The following PDE1A variants were observed in gnomAD, a reference collection of about 807,000 sequenced individuals.
PDE1A encodes the protein phosphodiesterase 1A.
A neutral mutation model predicts 61.7 loss-of-function variants in PDE1A; 35 were observed. The ratio of observed to expected loss-of-function variants is 0.57; its 90% CI spans 0.43 to 0.75. The LOEUF (loss-of-function observed/expected upper bound fraction) is 0.75, where lower values mean the gene tolerates loss of function less well. Among genes scored for constraint, PDE1A ranks in the 30% least tolerant of loss-of-function variants. PDE1A has a pLI of 0.00. For missense variants in PDE1A, 597 were observed against 630.6 expected, an observed-to-expected ratio of 0.95 and a Z score of 0.57; for synonymous variants, 232 against 213.2, an observed-to-expected ratio of 1.09 and a Z score of -0.77.
intron 2 of PDE1A, among the ~76,000 whole-genome samples, chr2:182,469,078 G>A (rs1450266098): frequency 6.6e-6 from 1 of 151,908 alleles, no homozygotes; most frequent in African/African-American, 2.4e-5. Flanking sequence ...AATGGTAAAT[G>A]AGCACTGGCT....
At chr2:182,625,584 T>C in the PDE1A span, among the ~76,000 whole-genome samples, 1 of 152,166 alleles carries the variant, frequency 6.6e-6, no homozygotes, top group Non-Finnish European at 1.5e-5. Context: ...AAATAACTCT[T>C]GGCTGAATGG....
At chr2:182,228,732 C>T (rs746504654) in intron 6 of PDE1A, among the ~76,000 whole-genome samples, 11 of 152,084 alleles carry the variant, frequency 7.2e-5, no homozygotes, top group Non-Finnish European at 1.3e-4. Flanking sequence ...GGTAAAAGTT[C>T]TCATTATTCT....
At chr2:182,569,202 G>A in the PDE1A span, among the ~76,000 whole-genome samples, 23 of 151,150 alleles carry the variant, frequency 1.5e-4, no homozygotes, top group African/African-American at 2.9e-4. Flanking sequence ...GCAGTGAGCC[G>A]AGATTGTGCC....
At chr2:182,298,281 A>C (rs755216150) in intron 1 of PDE1A, among the ~76,000 whole-genome samples, 4 of 152,190 alleles carry the variant, frequency 2.6e-5, no homozygotes, top group Non-Finnish European at 4.4e-5. Flanking sequence ...GCTTAAAGCA[A>C]GAAAATGACA....
At chr2:182,468,409 A>C (rs1389169075) in intron 2 of PDE1A, among the ~76,000 whole-genome samples, 1 of 152,026 alleles carries the variant, frequency 6.6e-6, no homozygotes, top group Admixed American at 6.6e-5. Context: ...ATCCATAAAA[A>C]GCAACTCCAC....
At chr2:182,419,285 A>C (rs1486027603) in intron 1 of PDE1A, among the ~76,000 whole-genome samples, 6 of 151,872 alleles carry the variant, frequency 4.0e-5, no homozygotes, top group Non-Finnish European at 5.9e-5. Context: ...ACAAGTTATC[A>C]GTACAGTTAT....
chr2:182,611,842 C>T, the PDE1A span, among the ~76,000 whole-genome samples: 14 of 151,946 alleles, frequency 9.2e-5, no homozygotes, highest in African/African-American at 3.4e-4. Flanking sequence ...AACTGATGAC[C>T]GGCTTTAAAT....
chr2:182,478,766 C>T (rs1275660957), intron 2 of PDE1A, among the ~76,000 whole-genome samples: 1 of 151,794 alleles, frequency 6.6e-6, no homozygotes, highest in Non-Finnish European at 1.5e-5. Flanking sequence ...TTCTATATAA[C>T]TTTTCATGCC....
intron 2 of PDE1A, among the ~76,000 whole-genome samples, chr2:182,434,797 C>T (rs1024672674): frequency 3.7e-4 from 57 of 152,112 alleles, no homozygotes; most frequent in African/African-American, 1.4e-3. Context: ...TAGCTTTATA[C>T]TAGATTCCCT....
chr2:182,519,344 C>T (rs961303640), intron 2 of PDE1A, among the ~76,000 whole-genome samples: 41 of 151,936 alleles, frequency 2.7e-4, no homozygotes, highest in African/African-American at 9.4e-4. Flanking sequence ...CATATTTCCA[C>T]CATCATAGAT....
chr2:182,500,283 T>G (rs1446800340), intron 2 of PDE1A, among the ~76,000 whole-genome samples: 1 of 152,128 alleles, frequency 6.6e-6, no homozygotes, highest in Non-Finnish European at 1.5e-5. Context: ...CAAATACTGA[T>G]TCACTGAAGT....
At chr2:182,596,688 T>C in the PDE1A span, among the ~76,000 whole-genome samples, 27 of 149,864 alleles carry the variant, frequency 1.8e-4, 1 homozygote, top group South Asian at 3.4e-3. Context: ...ACTGGATGGA[T>C]GGATGGATGG....
At chr2:182,695,685 AG>A in the PDE1A span, among the ~76,000 whole-genome samples, 67,303 of 121,602 alleles carry the variant, frequency 0.55, 17,645 homozygotes, top group South Asian at 0.59. Flanking sequence ...AAAAAAAAAA[AG>A]AAAAAGAAAA....
At chr2:182,307,109 CAAAT>C (rs984112947) in intron 1 of PDE1A, among the ~76,000 whole-genome samples, 1 of 152,010 alleles carries the variant, frequency 6.6e-6, no homozygotes, top group African/African-American at 2.4e-5. Flanking sequence ...AGCAAGAAAA[CAAAT>C]AACCTGATTA....
rs558443684 is a variant in PDE1A at position 182,361,955 on chromosome 2, G to A, written c.53+64623C>T. Among the ~76,000 whole-genome samples the A allele has an allele frequency of 5.2e-4, 79 of 152,032 alleles. 1 individual carries two copies. Among genetic ancestry groups the A allele is most frequent in the South Asian group, 1.2e-3 (6 of 4,832 alleles). On this transcript the variant is annotated intron_variant, in intron 1 of 13. Transcript: ENST00000351439. ...AGCCATCTACCAAGCAAAAGGAACA[G>A]TTTCAACTGCAGGTCAGAAGAAACC...
At chr2:182,537,944 G>T in the PDE1A span, among the ~76,000 whole-genome samples, 307 of 152,224 alleles carry the variant, frequency 2.0e-3, no homozygotes, top group African/African-American at 7.1e-3. Context: ...AGCTCTTCAA[G>T]ACTGAAGCTC....
chr2:182,526,499 T>C (rs1164248534), upstream of PDE1A, among the ~76,000 whole-genome samples: 1 of 152,194 alleles, frequency 6.6e-6, no homozygotes, highest in Non-Finnish European at 1.5e-5. Context: ...AGTCAATTTG[T>C]GGACAAGAAA....
At chr2:182,259,519 T>C (rs1158136927) in intron 2 of PDE1A, among the ~76,000 whole-genome samples, 1 of 152,252 alleles carries the variant, frequency 6.6e-6, no homozygotes, top group Non-Finnish European at 1.5e-5. Context: ...TTGTTACACA[T>C]TTAATTCTCA....
At chr2:182,602,286 C>T in the PDE1A span, among the ~76,000 whole-genome samples, 1 of 152,222 alleles carries the variant, frequency 6.6e-6, no homozygotes, top group African/African-American at 2.4e-5. Flanking sequence ...GGGCAGGGCT[C>T]TCACTGGCTC....
Sources: allele counts gnomAD v4.1 joint callset (sites outside exome capture counted in the v4.1 genomes callset), GRCh38; gene constraint gnomAD v4.1.1; transcripts MANE v1.5; gene names NCBI Gene and HGNC (gene_info 2026-07-23, HGNC 2026-07-21).